DMPK: variants seen among roughly 807,000 people sequenced by gnomAD.
The protein encoded by DMPK is myotonin-protein kinase.
A neutral mutation model predicts 70.3 loss-of-function variants in DMPK; 32 were observed. The observed-to-expected ratio is 0.46, with a 90% CI of 0.34 to 0.61. The LOEUF (loss-of-function observed/expected upper bound fraction) is 0.61, where lower values mean the gene tolerates loss of function less well. DMPK is among the 20% of genes least tolerant of loss of function. DMPK has a pLI of 0.01. For synonymous variants in DMPK, 469 were observed against 390.9 expected (o/e 1.20, Z -2.36); for missense variants, 899 against 886.0 (o/e 1.01, Z -0.19).
intron 2 of DMPK, 56 bp downstream of exon 2, chr19:45,779,722 A>T: frequency 6.5e-7 from 1 of 1,533,038 alleles, no homozygotes; most frequent in Non-Finnish European, 8.8e-7. Context: ...CCCCGCCCCA[A>T]CCCCTATGCC....
chr19:45,780,308 G>A (rs1568586302), intron 1 of DMPK: 2 of 1,561,446 alleles, frequency 1.3e-6, no homozygotes, highest in Non-Finnish European at 1.7e-6. Context: ...CCAGACGTGG[G>A]GTTGTATCCA....
At chr19:45,772,116 G>A (rs1969496060) in intron 10 of DMPK, among the ~76,000 whole-genome samples, 188 bp from the exon 11 acceptor site, 1 of 150,860 alleles carries the variant, frequency 6.6e-6, no homozygotes, top group African/African-American at 2.4e-5. Context: ...CCCCATCCCT[G>A]AGTCTGGTCC....
chr19:45,782,234 T>A lies in DMPK; in HGVS notation c.119A>T (p.Glu40Val). ...GGCCACGTACTTGTCCTGGGCCAGT[T>A]CGGAGGCGCCCAGCTCCTGGTGGAC... Reference protein sequence around the residue: ...LGVHQELGASELAQDKYVADF... With the variant: ...LGVHQELGASVLAQDKYVADF... Residue 40 changes from glutamate (E) to valine (V), a missense_variant, in exon 1 of 15, where the codon GAA (glutamate) becomes GTA (valine). By Grantham distance (121) the Glu-to-Val change is moderately radical (BLOSUM62 -2). Transcript: ENST00000291270. 3 of 1,609,080 alleles carry A rather than the reference T, an allele frequency of 1.9e-6. No homozygotes were observed. The highest frequency in any genetic ancestry group is 2.5e-6 in the Non-Finnish European group (3 of 1,178,312).
intron 1 of DMPK, among the ~76,000 whole-genome samples, chr19:45,781,545 T>G: frequency 6.7e-6 from 1 of 148,408 alleles, no homozygotes. Flanking sequence ...GGGGTGGGGG[T>G]GGGTGCAGAA....
rs781678068 is a variant in DMPK, at chr19:45,782,251, C to T, written c.102G>A (p.Gln34=). Residue 34 remains glutamine, a synonymous_variant, in exon 1 of 15, where the codon CAG becomes CAA. Coordinates refer to ENST00000291270, the MANE Select transcript of DMPK (RefSeq NM_004409.5). Reference sequence around the variant, plus strand: ...GGGCCAGTTCGGAGGCGCCCAGCTCCTGGTGGACGCCCAGGAGAAGGTCGA... The same window carrying T: ...GGGCCAGTTCGGAGGCGCCCAGCTCTTGGTGGACGCCCAGGAGAAGGTCGA... ...PLLDLLLGVH[Q]ELGASELAQD... 137 of 1,610,160 alleles carry T rather than the reference C, an allele frequency of 8.5e-5. No individual in the cohort carries two copies. Among genetic ancestry groups the T allele is most frequent in the Middle Eastern group, 3.3e-4 (2 of 5,974 alleles).
rs762108717 is a variant in DMPK at position 45,769,935 on chromosome 19, G to C, written c.*553C>G. 1.6e-5 allele frequency: 5 copies of C among 304,398 alleles called. No homozygotes were observed. Among genetic ancestry groups the C allele is most frequent in the African/African-American group, 4.6e-5 (2 of 43,612 alleles). 18.9% of individuals were successfully genotyped at this position (304,398 alleles called of 1,614,324 possible). On this transcript the variant is annotated 3_prime_UTR_variant, in exon 15 of 15. Transcript: ENST00000291270. ...AGCCGGCTGGGGCTCCGAGAGCAGC[G>C]CAAGTGAGGAGGGGGGCGCGGGATC...
At chr19:45,776,357 A>C (rs76186545) in intron 8 of DMPK, among the ~76,000 whole-genome samples, 12 of 43,754 alleles carry the variant, frequency 2.7e-4, no homozygotes, top group Admixed American at 7.6e-4. Context: ...GTTAGCCAAG[A>C]TGGTCTCGAT....
At position 45,776,067 on chromosome 19, in the gene DMPK, C is replaced by T. The variant is rs1244360016; in HGVS notation, c.1147-1033G>A. Among the ~76,000 whole-genome samples the T allele has an allele frequency of 3.7e-5, 4 of 109,040 alleles. 2 individuals carry two copies. Among genetic ancestry groups the T allele is most frequent in the Non-Finnish European group, 7.9e-5 (4 of 50,798 alleles). 71.5% of individuals were successfully genotyped at this position (109,040 alleles called of 152,430 possible). A position where few individuals can be genotyped will look rare whatever the true frequency, so the allele number is the denominator to read the frequency against. ...CAAAACTCCTGATCTCATGACCCACCGGCCTTGGACTCCCAAAGTGCTGGG... is the reference window on the plus strand; with the variant it reads ...CAAAACTCCTGATCTCATGACCCACTGGCCTTGGACTCCCAAAGTGCTGGG... On this transcript the variant is annotated intron_variant, in intron 8 of 14. Coordinates refer to ENST00000291270, the MANE Select transcript of DMPK (RefSeq NM_004409.5).
At position 45,774,990 on chromosome 19, in the gene DMPK, G is replaced by A. The variant is rs1194109598; in HGVS notation, c.1191C>T (p.His397=). Residue 397 remains histidine (H), a synonymous_variant, in exon 9 of 15, where the codon CAC becomes CAT. Coordinates refer to ENST00000291270, the MANE Select transcript of DMPK (RefSeq NM_004409.5). ...DIREGAPLGV[H]LPFVGYSYSC... ...AGTAGGAGTAGCCCACAAAAGGCAG[G>A]TGGACCCCTAGCGGCGCACCTTCCC... 3.1e-6 allele frequency: 5 copies of A among 1,614,024 alleles called. No individual in the cohort carries two copies. Among genetic ancestry groups the A allele is most frequent in the Non-Finnish European group, 3.4e-6 (4 of 1,180,024 alleles).
In DMPK at chr19:45,782,110, C is replaced by A. The variant is rs965280335; in HGVS notation, c.160+83G>T. On this transcript the variant is annotated intron_variant, in intron 1 of 14. Coordinates refer to ENST00000291270, the MANE Select transcript of DMPK (RefSeq NM_004409.5). ...ATGCCCATCCTGCCATCCTGCCCCC[C>A]CAACAGCCAGGCCTCTGTGCCCAGA... 12 of 899,842 alleles carry A rather than the reference C, an allele frequency of 1.3e-5. No homozygotes were observed. In the Admixed American group the frequency reaches 2.5e-4, roughly 19 times the overall value. 55.7% of individuals were successfully genotyped at this position (899,842 alleles called of 1,614,324 possible).
intron 14 of DMPK, 110 bp from the exon 15 acceptor site, chr19:45,770,750 C>T (rs1969352937): frequency 7.7e-7 from 1 of 1,299,642 alleles, no homozygotes; most frequent in Non-Finnish European, 1.1e-6. Context: ...CGCCCCGCCC[C>T]CGCCCCAACA....
chr19:45,782,161 C>G, intron 1 of DMPK, 32 bp downstream of exon 1: 2 of 1,388,320 alleles, frequency 1.4e-6, no homozygotes, highest in Non-Finnish European at 1.9e-6. Context: ...ACCCCCACCC[C>G]ATCTGCAGGA....
Position 45,777,182 on chromosome 19 carries a change from G to A in DMPK, c.1146+145C>T. ...GACTGTAAGTCTAGGTCACTGCTGG[G>A]TCCTCAGTAGTAGATGGGCACAGAG... On this transcript the variant is annotated intron_variant, in intron 8 of 14. Transcript: ENST00000291270. The surrounding 1 kb of genome is among the most constrained non-coding windows in gnomAD (Gnocchi z 6.7). 8.5e-7 allele frequency: 1 copy of A among 1,179,730 alleles called. No individual in the cohort carries two copies. Among genetic ancestry groups the A allele is most frequent in the Non-Finnish European group, 1.2e-6 (1 of 868,748 alleles). The allele number at this position is 1,179,730 out of a possible 1,614,324, so 73.1% of individuals were successfully genotyped here. A position where few individuals can be genotyped will look rare whatever the true frequency, so the allele number is the denominator to read the frequency against.
chr19:45,778,195 G>A lies in DMPK; in HGVS notation c.607C>T (p.Leu203=). Reference sequence around the variant, plus strand: ...AGGCGGATGTGGCCACAGCGGTCCAGCAGGATGTTGTCGGGTTTGATGTCC... The same window carrying A: ...AGGCGGATGTGGCCACAGCGGTCCAACAGGATGTTGTCGGGTTTGATGTCC... The part of the protein sequence containing the change: ...HRDIKPDNIL[L]DRCGHIRLAD... The change falls in exon 6 of 15, where the codon CTG becomes TTG. Residue 203 remains leucine (L), a synonymous_variant. Coordinates refer to ENST00000291270, the MANE Select transcript of DMPK (RefSeq NM_004409.5). 6.2e-7 allele frequency: 1 copy of A among 1,613,826 alleles called. No homozygotes were observed. Among genetic ancestry groups the A allele is most frequent in the African/African-American group, 1.3e-5 (1 of 75,044 alleles).
intron 9 of DMPK, among the ~76,000 whole-genome samples, chr19:45,773,444 T>G (rs1325916757): frequency 6.6e-6 from 1 of 152,096 alleles, no homozygotes; most frequent in Non-Finnish European, 1.5e-5. Flanking sequence ...AAAAGCTGAC[T>G]AGAAAACCAA....
chr19:45,770,860 C>T (rs1969365484), intron 14 of DMPK, 111 bp downstream of exon 14: 1 of 1,018,070 alleles, frequency 9.8e-7, no homozygotes. Flanking sequence ...GCCCGAAGAT[C>T]CGCCCTCCTG....
chr19:45,775,136 G>T, intron 8 of DMPK, 102 bp from the exon 9 acceptor site: 1 of 876,282 alleles, frequency 1.1e-6, no homozygotes, highest in Non-Finnish European at 1.8e-6. Context: ...CCCAACTCAG[G>T]GCTTATCTAA....
At chr19:45,781,633 G>T (rs541261983) in intron 1 of DMPK, among the ~76,000 whole-genome samples, 1 of 152,212 alleles carries the variant, frequency 6.6e-6, no homozygotes, top group Admixed American at 6.5e-5. Context: ...CACTGGTGGC[G>T]CCTGTCTGCA....
chr19:45,777,251 G>A lies in DMPK; in HGVS notation c.1146+76C>T. 6.8e-7 allele frequency: 1 copy of A among 1,465,260 alleles called. No individual in the cohort carries two copies. The highest frequency in any genetic ancestry group is 2.6e-5 in the Admixed American group (1 of 38,156). 90.8% of individuals were successfully genotyped at this position (1,465,260 alleles called of 1,614,324 possible). A position where few individuals can be genotyped will look rare whatever the true frequency, so the allele number is the denominator to read the frequency against. ...AGTGATTCAGGACCCCAGAAGGTAG[G>A]CACTGTCCTTACTCCAACTTTATGG... On this transcript the variant is annotated intron_variant, in intron 8 of 14. Coordinates refer to ENST00000291270, the MANE Select transcript of DMPK (RefSeq NM_004409.5). This position sits in a 1 kb window ranked among gnomAD's most constrained non-coding sequence, Gnocchi z 6.7.
Sources: allele counts gnomAD v4.1 joint callset (sites outside exome capture counted in the v4.1 genomes callset), GRCh38; gene constraint gnomAD v4.1.1; non-coding constraint Gnocchi (gnomAD v3.1); transcripts MANE v1.5; gene names NCBI Gene and HGNC (gene_info 2026-07-23, HGNC 2026-07-21).